The following INSC variants were observed in gnomAD, a reference collection of about 807,000 sequenced individuals.
INSC encodes the protein INSC spindle orientation adaptor protein, also known as protein inscuteable homolog.
INSC carries 67 observed loss-of-function variants against 58.6 expected under a neutral mutation model. The observed-to-expected ratio is 1.14, with a 90% CI of 0.94 to 1.40. INSC has a LOEUF of 1.40. Ranked by LOEUF, INSC falls within the 40% of genes most tolerant of loss-of-function variation. The pLI is 0.00. For synonymous variants in INSC, 262 were observed against 276.1 expected (o/e 0.95, Z 0.51); for missense variants, 714 against 692.0 (o/e 1.03, Z -0.36).
intron 2 of INSC, among the ~76,000 whole-genome samples, chr11:15,167,808 G>A (rs893715844): frequency 6.6e-6 from 1 of 152,114 alleles, no homozygotes; most frequent in Admixed American, 6.6e-5. Flanking sequence ...AAGTAAACCA[G>A]ATTCTGCTTT....
intron 2 of INSC, among the ~76,000 whole-genome samples, chr11:15,170,268 A>C (rs1158016001): frequency 1.3e-5 from 2 of 152,082 alleles, no homozygotes; most frequent in South Asian, 4.2e-4. Flanking sequence ...AGATTTCACT[A>C]GTTTTTTTTT....
At chr11:15,229,992 TATA>T (rs1445120983) in intron 9 of INSC, among the ~76,000 whole-genome samples, 1 of 30,162 alleles carries the variant, frequency 3.3e-5, no homozygotes, top group African/African-American at 1.3e-4. Context: ...TATATATATA[TATA>T]TATATATATA....
chr11:15,221,588 G>A lies in INSC; in HGVS notation c.931G>A (p.Val311Ile), dbSNP rs552439006. The A allele has an allele frequency of 4.6e-5, 75 of 1,613,862 alleles. No homozygotes were observed. The South Asian group carries it at 4.9e-4, about 11-fold the overall frequency. ...VAQVTSPHLP[V>I]TQHLSSFLES... The stretch of plus-strand genomic sequence containing the variant: ...CCAGGTCACCTCCCCACACCTGCCC[G>A]TCACCCAGCACCTCAGTAGCTTCCT... The change falls in exon 8 of 13, where the codon GTC (valine) becomes ATC (isoleucine). Residue 311 changes from valine (V) to isoleucine (I), a missense_variant. Transcript: ENST00000379556.
At chr11:15,177,270 T>G in intron 4 of INSC, 107 bp downstream of exon 4, 1 of 849,860 alleles carries the variant, frequency 1.2e-6, no homozygotes, top group Non-Finnish European at 2.0e-6. Context: ...GGCGTGGTGG[T>G]GGTTTCAGAG....
At chr11:15,208,561 C>A (rs1383626621) in intron 7 of INSC, among the ~76,000 whole-genome samples, 1 of 152,220 alleles carries the variant, frequency 6.6e-6, no homozygotes, top group Non-Finnish European at 1.5e-5. Flanking sequence ...GAGGCAGGAA[C>A]TAAATTAGCC....
At chr11:15,206,347 A>G (rs1331862122) in intron 7 of INSC, among the ~76,000 whole-genome samples, 1 of 152,154 alleles carries the variant, frequency 6.6e-6, no homozygotes, top group African/African-American at 2.4e-5. Flanking sequence ...GACCAGAGGA[A>G]AGCAGTCTTA....
chr11:15,124,550 C>T (rs1847945976), intron 1 of INSC, among the ~76,000 whole-genome samples: 1 of 152,124 alleles, frequency 6.6e-6, no homozygotes. Context: ...TTTTCTTCTT[C>T]ATTTTAGACT....
Position 15,216,561 on chromosome 11 carries a change from A to G in INSC, c.820-4916A>G, listed in dbSNP as rs2080274900. On this transcript the variant is annotated intron_variant, in intron 7 of 12. Coordinates refer to ENST00000379556, the MANE Select transcript of INSC (RefSeq NM_001042536.3). ...TTTATTGAACTATAGAAATGCAGGG[A>G]TAGTACTGATTTTCTCTTTCTTCCC... Among the ~76,000 whole-genome samples the G allele has an allele frequency of 2.0e-5, 3 of 152,174 alleles. No individual in the cohort carries two copies. In the South Asian group the frequency reaches 6.2e-4, roughly 31 times the overall value.
chr11:15,222,590 A>G (rs1159845619), intron 8 of INSC, among the ~76,000 whole-genome samples: 1 of 151,930 alleles, frequency 6.6e-6, no homozygotes, highest in Non-Finnish European at 1.5e-5. Flanking sequence ...AGATCCCGCC[A>G]CTCACTTCTT....
Position 15,235,625 on chromosome 11 carries a change from G to A in INSC, c.1194G>A (p.Met398Ile). The change falls in exon 10 of 13, where the codon ATG becomes ATA. Residue 398 changes from methionine (M) to isoleucine (I), a missense_variant. Met to Ile is a conservative substitution (Grantham distance 10). Coordinates refer to ENST00000379556, the MANE Select transcript of INSC (RefSeq NM_001042536.3). ...AGATTGTGACCATCTTGGCAAACAT[G>A]TCTGTCCTAGAACAGTGTGCCTCTG... ...RDQIVTILAN[M>I]SVLEQCASDI... The A allele has an allele frequency of 1.2e-6, 2 of 1,614,090 alleles. No individual in the cohort carries two copies. Among genetic ancestry groups the A allele is most frequent in the Non-Finnish European group, 1.7e-6 (2 of 1,179,912 alleles).
intron 2 of INSC, among the ~76,000 whole-genome samples, chr11:15,155,274 C>T (rs1165759609): frequency 6.6e-6 from 1 of 152,168 alleles, no homozygotes; most frequent in Admixed American, 6.5e-5. Flanking sequence ...TCTTCCAATA[C>T]TAACTCTTTT....
chr11:15,221,723 G>A, intron 8 of INSC, 75 bp downstream of exon 8: 2 of 1,411,732 alleles, frequency 1.4e-6, no homozygotes, highest in Admixed American at 4.6e-5. Flanking sequence ...AGCCAGGAAG[G>A]CCTTCCCATC....
chr11:15,118,718 T>C (rs901313894), intron 1 of INSC, among the ~76,000 whole-genome samples: 7 of 152,220 alleles, frequency 4.6e-5, no homozygotes, highest in Non-Finnish European at 1.5e-5. Context: ...ATTTAGACTC[T>C]GGTTGTCCCC....
chr11:15,261,788 C>T, the INSC span, among the ~76,000 whole-genome samples: 34 of 152,060 alleles, frequency 2.2e-4, no homozygotes, highest in Non-Finnish European at 4.3e-4. Context: ...GGGTAGAGCT[C>T]TCAGAAAAGA....
chr11:15,149,074 GTGAT>G, intron 1 of INSC, 52 bp from the exon 2 acceptor site: 1 of 1,492,536 alleles, frequency 6.7e-7, no homozygotes, highest in Non-Finnish European at 8.9e-7. Flanking sequence ...GGGAGAGAAA[GTGAT>G]TGTGCCTCCT....
At chr11:15,163,104 T>C (rs1849073666) in intron 2 of INSC, among the ~76,000 whole-genome samples, 1 of 152,236 alleles carries the variant, frequency 6.6e-6, no homozygotes, top group South Asian at 2.1e-4. Flanking sequence ...GAGCTGAGAA[T>C]TTCTACTCAC....
upstream of INSC, chr11:15,112,498 C>T (rs200891197): frequency 1.5e-5 from 24 of 1,611,446 alleles, no homozygotes; most frequent in South Asian, 7.7e-5. Flanking sequence ...AATGGAGAGG[C>T]GGCCAGCGAA....
chr11:15,167,271 T>A (rs1403375686), intron 2 of INSC, among the ~76,000 whole-genome samples: 2 of 152,054 alleles, frequency 1.3e-5, no homozygotes, highest in Admixed American at 1.3e-4. Flanking sequence ...CCGAATGTCT[T>A]CCCTGCCCTG....
intron 2 of INSC, among the ~76,000 whole-genome samples, chr11:15,163,827 C>T (rs1849100776): frequency 1.3e-5 from 2 of 152,198 alleles, no homozygotes; most frequent in African/African-American, 4.8e-5. Flanking sequence ...CTCCTGACCT[C>T]ATGATTCACC....
Sources: gnomAD v4.1 joint callset for allele counts (sites outside exome capture counted in the v4.1 genomes callset) on GRCh38, gnomAD v4.1.1 for gene constraint, MANE v1.5 for transcripts, NCBI Gene and HGNC (gene_info 2026-07-23, HGNC 2026-07-21) for gene names.